Variants in TYW1 observed in about 807,000 individuals in gnomAD.
TYW1 encodes the protein S-adenosyl-L-methionine-dependent tRNA 4-demethylwyosine synthase TYW1.
A neutral mutation model predicts 96.2 loss-of-function variants in TYW1; 46 were observed. The ratio of observed to expected loss-of-function variants is 0.48; its 90% CI spans 0.38 to 0.61. The LOEUF (loss-of-function observed/expected upper bound fraction) is 0.61. Ranked by LOEUF, TYW1 falls within the 20% of genes least tolerant of loss-of-function variation. The pLI is 0.00. For missense variants in TYW1, 684 were observed against 909.6 expected, an observed-to-expected ratio of 0.75 and a Z score of 3.19; for synonymous variants, 274 against 323.0, an observed-to-expected ratio of 0.85 and a Z score of 1.63.
At position 67,083,373 on chromosome 7, in the gene TYW1, G is replaced by T. The variant is rs1796442236; in HGVS notation, c.1275-57G>T. 2.6e-6 allele frequency: 4 copies of T among 1,547,040 alleles called. No individual in the cohort carries two copies. In the Admixed American group the frequency reaches 5.4e-5, roughly 21 times the overall value. On this transcript the variant is annotated intron_variant, in intron 10 of 15. Coordinates refer to ENST00000359626, the MANE Select transcript of TYW1 (RefSeq NM_018264.4). The stretch of plus-strand genomic sequence containing the variant: ...AAAAATGGATGACTTCATCATAAAT[G>T]ACTAGCCCAGATCTTATTACAGAAG...
chr7:67,137,552 T>G (rs954276388), intron 13 of TYW1, among the ~76,000 whole-genome samples: 1 of 152,200 alleles, frequency 6.6e-6, no homozygotes, highest in South Asian at 2.1e-4. Flanking sequence ...ACAATTCCAT[T>G]GGGCAAAATG....
intron 9 of TYW1, among the ~76,000 whole-genome samples, chr7:67,059,956 A>G (rs1305626692): frequency 1.3e-5 from 2 of 151,748 alleles, no homozygotes; most frequent in African/African-American, 4.8e-5. Context: ...TATTTTTAGT[A>G]GAGACAGGGT....
intron 13 of TYW1, among the ~76,000 whole-genome samples, chr7:67,130,090 G>A (rs1798020580): frequency 6.6e-6 from 1 of 151,462 alleles, no homozygotes; most frequent in African/African-American, 2.4e-5. Flanking sequence ...TTCTATAGAA[G>A]TAATTATAGG....
intron 13 of TYW1, among the ~76,000 whole-genome samples, chr7:67,145,131 T>A (rs1798567982): frequency 6.8e-6 from 1 of 147,962 alleles, no homozygotes; most frequent in Non-Finnish European, 1.5e-5. Flanking sequence ...CATATGGGCA[T>A]TTTACCCTGT....
intron 4 of TYW1, among the ~76,000 whole-genome samples, chr7:67,013,179 G>A (rs187365973): frequency 0.017 from 2,602 of 151,268 alleles, 42 homozygotes; most frequent in Middle Eastern, 0.034. Context: ...GCAGTGTGCA[G>A]GGGTGTGATG....
chr7:67,160,040 G>C (rs968990479), intron 13 of TYW1, among the ~76,000 whole-genome samples: 3 of 152,168 alleles, frequency 2.0e-5, no homozygotes, highest in African/African-American at 7.2e-5. Context: ...CTGACCTCGT[G>C]ATCAGCCCGC....
chr7:67,052,908 A>AT (rs1391893315), intron 8 of TYW1, among the ~76,000 whole-genome samples: 2 of 151,250 alleles, frequency 1.3e-5, no homozygotes, highest in Non-Finnish European at 2.9e-5. Context: ...CGCCTGGCTA[A>AT]TTTTTTGTAT....
intron 12 of TYW1, among the ~76,000 whole-genome samples, chr7:67,100,075 G>T (rs1003677642): frequency 6.6e-6 from 1 of 152,152 alleles, no homozygotes; most frequent in African/African-American, 2.4e-5. Flanking sequence ...TGAGAGGCTA[G>T]CGGAGAAGAG....
At chr7:67,125,259 G>C (rs1797879304) in intron 13 of TYW1, among the ~76,000 whole-genome samples, 1 of 152,060 alleles carries the variant, frequency 6.6e-6, no homozygotes, top group Non-Finnish European at 1.5e-5. Flanking sequence ...TGAAATCTTT[G>C]CCCACCCCAA....
In TYW1 at chr7:67,066,536, A is replaced by G. The variant is rs558570282; in HGVS notation, c.1156-749A>G. Among the ~76,000 whole-genome samples the G allele has an allele frequency of 6.6e-5, 10 of 152,272 alleles. No individual in the cohort carries two copies. The South Asian group carries it at 2.1e-3, about 32-fold the overall frequency. ...TCTTGTATACCTGCTGCTTGCTTCC[A>G]CAATGTCTCAAATATGTATGCTCCA... On this transcript the variant is annotated intron_variant, in intron 9 of 15. Transcript: ENST00000359626.
At chr7:67,223,506 T>G (rs1801462490) in intron 15 of TYW1, among the ~76,000 whole-genome samples, 1 of 151,866 alleles carries the variant, frequency 6.6e-6, no homozygotes, top group African/African-American at 2.4e-5. Flanking sequence ...GTCTTAGTCT[T>G]TAATGTACAC....
At chr7:67,233,842 T>C (rs1295550169) in intron 15 of TYW1, among the ~76,000 whole-genome samples, 1 of 136,428 alleles carries the variant, frequency 7.3e-6, no homozygotes, top group Non-Finnish European at 1.6e-5. Context: ...GGTTCAGTTT[T>C]GTCTTTTGGG....
chr7:67,106,201 A>G (rs1168686450), intron 12 of TYW1, among the ~76,000 whole-genome samples: 1 of 152,194 alleles, frequency 6.6e-6, no homozygotes, highest in African/African-American at 2.4e-5. Context: ...CTGGCTGGAG[A>G]GAATATTCAT....
chr7:67,047,354 G>T (rs181540733), intron 7 of TYW1, among the ~76,000 whole-genome samples: 1 of 152,272 alleles, frequency 6.6e-6, no homozygotes, highest in African/African-American at 2.4e-5. Context: ...AACATAGCGA[G>T]ACTTCATCTC....
intron 13 of TYW1, among the ~76,000 whole-genome samples, chr7:67,138,621 C>T (rs569179942): frequency 1.7e-4 from 26 of 152,202 alleles, no homozygotes; most frequent in Non-Finnish European, 1.8e-4. Flanking sequence ...TTCCTCCCAA[C>T]ACCCCCACTA....
At chr7:67,113,556 GA>G (rs540965184) in intron 12 of TYW1, among the ~76,000 whole-genome samples, 2 of 152,166 alleles carry the variant, frequency 1.3e-5, no homozygotes, top group Non-Finnish European at 2.9e-5. Context: ...GCAGAGTTAG[GA>G]GAAAGGCTCT....
intron 7 of TYW1, among the ~76,000 whole-genome samples, chr7:67,045,259 A>C (rs1795150978): frequency 6.6e-6 from 1 of 151,942 alleles, no homozygotes; most frequent in Non-Finnish European, 1.5e-5. Context: ...AACCCATGCT[A>C]GAGTGCAGTG....
At chr7:67,088,671 C>G (rs1796620929) in intron 11 of TYW1, among the ~76,000 whole-genome samples, 1 of 152,158 alleles carries the variant, frequency 6.6e-6, no homozygotes, top group African/African-American at 2.4e-5. Context: ...TCAAGCAGTC[C>G]TCCTGTCTCA....
chr7:67,236,973 C>A (rs1256463322), intron 15 of TYW1, among the ~76,000 whole-genome samples: 2 of 152,124 alleles, frequency 1.3e-5, no homozygotes, highest in African/African-American at 2.4e-5. Context: ...GCAACCTCCA[C>A]CTCCCAGGTT....
Sources: gnomAD v4.1 joint callset for allele counts (sites outside exome capture counted in the v4.1 genomes callset) on GRCh38, gnomAD v4.1.1 for gene constraint, MANE v1.5 for transcripts, NCBI Gene and HGNC (gene_info 2026-07-23, HGNC 2026-07-21) for gene names.